Variants in CELSR1 observed in about 807,000 individuals in gnomAD.
The protein encoded by CELSR1 is adhesion G protein-coupled receptor C1.
Under a neutral mutation model 249.1 loss-of-function variants are expected in CELSR1, and 110 were observed. That is an observed-to-expected ratio of 0.44 (90% CI 0.38 to 0.52). The LOEUF (loss-of-function observed/expected upper bound fraction) is 0.52, where lower values mean the gene tolerates loss of function less well. Among genes scored for constraint, CELSR1 ranks in the 20% least tolerant of loss-of-function variants. The probability of loss-of-function intolerance (pLI) is 0.00; values close to 1 mark genes in which losing one functional copy is unlikely to be tolerated. For missense variants in CELSR1, 4,109 were observed against 4,296.4 expected, an observed-to-expected ratio of 0.96 and a Z score of 1.22; for synonymous variants, 2,113 against 1,900.0, an observed-to-expected ratio of 1.11 and a Z score of -2.92.
At position 46,446,476 on chromosome 22, in the gene CELSR1, C is replaced by G. The variant is rs939548069; in HGVS notation, c.4184-7065G>C. 2.0e-5 allele frequency among the ~76,000 whole-genome samples: 3 copies of G among 152,198 alleles called. No homozygotes were observed. Among genetic ancestry groups the G allele is most frequent in the African/African-American group, 7.2e-5 (3 of 41,452 alleles). On this transcript the variant is annotated intron_variant, in intron 2 of 34. Transcript: ENST00000674500. This position sits in a 1 kb window ranked among gnomAD's most constrained non-coding sequence, Gnocchi z 5.5. ...TGGTTCCCCCGTGTGTTTCTCTCCCCAGCTCTGTGCAGGCAATGACAGGGT... is the reference window on the plus strand; with the variant it reads ...TGGTTCCCCCGTGTGTTTCTCTCCCGAGCTCTGTGCAGGCAATGACAGGGT...
rs541741182 is a variant in CELSR1 at position 46,396,619 on chromosome 22, C to T, written c.5829G>A (p.Pro1943=). Residue 1943 remains proline (P), a synonymous_variant, in exon 13 of 35, where the codon CCG becomes CCA. Coordinates refer to ENST00000674500, the MANE Select transcript of CELSR1 (RefSeq NM_001378328.1). The surrounding 1 kb of genome is among the most constrained non-coding windows in gnomAD (Gnocchi z 6.4). ...VCECGPSHYG[P]YCENKLDLPC... ...GCTGCTCTTACTTGTTCTCACAGTA[C>T]GGCCCGTAGTGACTGGGCCCACACT... The T allele has an allele frequency of 4.5e-4, 723 of 1,593,946 alleles. 14 individuals carry two copies. In the South Asian group the frequency reaches 7.7e-3, roughly 17 times the overall value.
At chr22:46,462,395 T>C (rs2080040327) in intron 2 of CELSR1, among the ~76,000 whole-genome samples, 1 of 152,026 alleles carries the variant, frequency 6.6e-6, no homozygotes. Flanking sequence ...CCACTTCTGA[T>C]GCAGAGAACC....
chr22:46,492,131 C>T (rs918721223), intron 1 of CELSR1, among the ~76,000 whole-genome samples: 2 of 152,212 alleles, frequency 1.3e-5, no homozygotes, highest in South Asian at 2.1e-4. Flanking sequence ...GACGTTCCCT[C>T]GGGGCTGCTT....
rs527747932 is a variant in CELSR1, at chr22:46,384,784, G to A, written c.6740-98C>T. 1.0e-4 allele frequency: 134 copies of A among 1,295,498 alleles called. No homozygotes were observed. In the African/African-American group the frequency reaches 1.8e-3, roughly 18 times the overall value. The allele number at this position is 1,295,498 out of a possible 1,614,324, so 80.3% of individuals were successfully genotyped here. On this transcript the variant is annotated intron_variant, in intron 19 of 34. Coordinates refer to ENST00000674500, the MANE Select transcript of CELSR1 (RefSeq NM_001378328.1). The stretch of plus-strand genomic sequence containing the variant: ...CACAACTGTCACACTGACGCTGGCT[G>A]GCCATATTTATTTATTTATTTTTGA...
intron 19 of CELSR1, among the ~76,000 whole-genome samples, chr22:46,385,893 G>A (rs2079028046): frequency 6.6e-6 from 1 of 151,516 alleles, no homozygotes; most frequent in Non-Finnish European, 1.5e-5. Flanking sequence ...TAGCCAGGAT[G>A]GTCTTGATCT....
Position 46,500,807 on chromosome 22 carries a change from A to G in CELSR1, c.3544+32820T>C, listed in dbSNP as rs2080458455. The stretch of plus-strand genomic sequence containing the variant: ...CTGCCCGGGAGGCCAGCAGCAGGTC[A>G]GGCCACTACATTGCGTCTCTCAGGC... On this transcript the variant is annotated intron_variant, in intron 1 of 34. Transcript: ENST00000674500. The surrounding 1 kb of genome is among the most constrained non-coding windows in gnomAD (Gnocchi z 4.9). Among the ~76,000 whole-genome samples the G allele has an allele frequency of 6.6e-6, 1 of 152,142 alleles. No homozygotes were observed. Among genetic ancestry groups the G allele is most frequent in the African/African-American group, 2.4e-5 (1 of 41,428 alleles).
Position 46,536,354 on chromosome 22 carries a change from T to C in CELSR1, c.817A>G (p.Ile273Val). 6.2e-7 allele frequency: 1 copy of C among 1,612,582 alleles called. No individual in the cohort carries two copies. Among genetic ancestry groups the C allele is most frequent in the African/African-American group, 1.3e-5 (1 of 75,064 alleles). The change falls in exon 1 of 35, where the codon ATC becomes GTC. Residue 273 changes from isoleucine (I) to valine (V), a missense_variant. Transcript: ENST00000674500. ...LILQLHAHYT[I>V]EGEEERVSYY... The stretch of plus-strand genomic sequence containing the variant: ...CTCACGCGCTCCTCCTCGCCCTCGA[T>C]GGTGTAGTGCGCGTGCAGCTGGAGG...
chr22:46,432,989 C>A (rs746657579), intron 5 of CELSR1, among the ~76,000 whole-genome samples: 47 of 152,026 alleles, frequency 3.1e-4, no homozygotes, highest in Non-Finnish European at 6.3e-4. Context: ...ATTCAGAGCA[C>A]AAATGTCTCA....
chr22:46,477,489 TTTTTG>T (rs997783351), intron 1 of CELSR1, among the ~76,000 whole-genome samples: 3 of 151,136 alleles, frequency 2.0e-5, no homozygotes, highest in East Asian at 2.0e-4. Context: ...CGAGCCTGTT[TTTTTG>T]TTTTGTTTTG....
intron 2 of CELSR1, among the ~76,000 whole-genome samples, chr22:46,457,717 C>T (rs540049869): frequency 2.6e-5 from 4 of 152,216 alleles, no homozygotes; most frequent in South Asian, 2.1e-4. Context: ...GTGATGAGCA[C>T]GAGGGCGGAC....
At position 46,488,804 on chromosome 22, in the gene CELSR1, C is replaced by T. The variant is rs528629847; in HGVS notation, c.3545-24459G>A. On this transcript the variant is annotated intron_variant, in intron 1 of 34. Coordinates refer to ENST00000674500, the MANE Select transcript of CELSR1 (RefSeq NM_001378328.1). The surrounding 1 kb of genome is among the most constrained non-coding windows in gnomAD (Gnocchi z 4.7). ...CCTCCCGAGTAGCTGGGACTACAGGCGCCCGCCACCAGGCCCAGCTAATTT... is the reference window on the plus strand; with the variant it reads ...CCTCCCGAGTAGCTGGGACTACAGGTGCCCGCCACCAGGCCCAGCTAATTT... 2.6e-5 allele frequency among the ~76,000 whole-genome samples: 4 copies of T among 152,216 alleles called. No individual in the cohort carries two copies. The highest frequency in any genetic ancestry group is 9.6e-5 in the African/African-American group (4 of 41,544).
intron 2 of CELSR1, among the ~76,000 whole-genome samples, chr22:46,444,129 T>G (rs2079789228): frequency 6.6e-6 from 1 of 152,172 alleles, no homozygotes; most frequent in African/African-American, 2.4e-5. Flanking sequence ...CCCAGGCCCA[T>G]GACCTCCACG....
rs145130669 is a variant in CELSR1, at chr22:46,367,813, G to A, written c.7995C>T (p.Ser2665=). The A allele has an allele frequency of 1.9e-5, 31 of 1,611,736 alleles. No homozygotes were observed. The highest frequency in any genetic ancestry group is 6.6e-5 in the South Asian group (6 of 90,650). Residue 2665 remains serine (S), a synonymous_variant, in exon 28 of 35, where the codon AGC becomes AGT. Transcript: ENST00000674500. The part of the protein sequence containing the change: ...RTAFLLLLLI[S]ATWLLGLLAV... ...CCAGCAGCCCCAGCAGCCAGGTGGC[G>A]CTGATGAGCAGCAGCAGGAGGAATG...
At chr22:46,456,359 G>C in intron 2 of CELSR1, among the ~76,000 whole-genome samples, 1 of 152,178 alleles carries the variant, frequency 6.6e-6, no homozygotes, top group African/African-American at 2.4e-5. Context: ...CCATGACTCT[G>C]ATAAGAGAAC....
intron 33 of CELSR1, 115 bp downstream of exon 33, chr22:46,364,397 T>C: frequency 6.7e-7 from 1 of 1,493,440 alleles, no homozygotes; most frequent in Admixed American, 2.0e-5. Flanking sequence ...CCACGTCTGT[T>C]CTGCCCAGGC....
In CELSR1 at chr22:46,396,742, G is replaced by A; in HGVS notation, c.5706C>T (p.Tyr1902=). The A allele has an allele frequency of 6.2e-7, 1 of 1,612,212 alleles. No individual in the cohort carries two copies. Among genetic ancestry groups the A allele is most frequent in the South Asian group, 1.1e-5 (1 of 90,664 alleles). The part of the protein sequence containing the change: ...EDYSCVCDKG[Y]LGINCVDACH... ...AGGCATCCACACAGTTTATTCCAAGGTACCCTGCAAGGACAGAGCCAGCAT... is the reference window on the plus strand; with the variant it reads ...AGGCATCCACACAGTTTATTCCAAGATACCCTGCAAGGACAGAGCCAGCAT... The change falls in exon 13 of 35, where the codon TAC becomes TAT. Residue 1902 remains tyrosine, a synonymous_variant. Coordinates refer to ENST00000674500, the MANE Select transcript of CELSR1 (RefSeq NM_001378328.1). The surrounding 1 kb of genome is among the most constrained non-coding windows in gnomAD (Gnocchi z 6.4).
intron 1 of CELSR1, among the ~76,000 whole-genome samples, chr22:46,532,962 C>T (rs946182535): frequency 1.3e-5 from 2 of 152,222 alleles, no homozygotes; most frequent in Non-Finnish European, 2.9e-5. Context: ...GGTGCCCACA[C>T]TGGCTCCACC....
rs531695779 is a variant in CELSR1 at position 46,418,218 on chromosome 22, C to T, written c.4612-6459G>A. Among the ~76,000 whole-genome samples, 8 of 152,336 alleles carry T rather than the reference C, an allele frequency of 5.3e-5. No individual in the cohort carries two copies. In the South Asian group the frequency reaches 1.5e-3, roughly 28 times the overall value. On this transcript the variant is annotated intron_variant, in intron 5 of 34. Transcript: ENST00000674500. ...TACAGGGGCTGAACGCAGTGGCTCA[C>T]GCCTGTAATCCCAGCACTTTGGGAG...
chr22:46,458,120 G>T (rs1327026698), intron 2 of CELSR1, among the ~76,000 whole-genome samples: 7 of 151,984 alleles, frequency 4.6e-5, no homozygotes. Flanking sequence ...AGAGGAGTGG[G>T]GACAGGGAGG....
Sources: gnomAD v4.1 joint callset for allele counts (sites outside exome capture counted in the v4.1 genomes callset) on GRCh38, gnomAD v4.1.1 for gene constraint, Gnocchi (gnomAD v3.1) non-coding constraint, MANE v1.5 for transcripts, NCBI Gene and HGNC (gene_info 2026-07-23, HGNC 2026-07-21) for gene names.